LRPPRC: variants seen among roughly 807,000 people sequenced by gnomAD.
The protein encoded by LRPPRC is leucine rich pentatricopeptide repeat containing.
LRPPRC carries 120 observed loss-of-function variants against 180.3 expected under a neutral mutation model. The observed-to-expected ratio is 0.67, with a 90% CI of 0.57 to 0.77. The LOEUF is 0.77. LRPPRC is among the 30% of genes least tolerant of loss of function. The probability of loss-of-function intolerance (pLI) is 0.00; values close to 1 mark genes in which losing one functional copy is unlikely to be tolerated. For missense variants in LRPPRC, 2,012 were observed against 1,657.2 expected (o/e 1.21, Z -3.72); for synonymous variants, 723 against 600.0 (o/e 1.21, Z -3.00).
intron 11 of LRPPRC, among the ~76,000 whole-genome samples, chr2:43,971,888 T>C (rs576551429): frequency 1.3e-4 from 20 of 152,322 alleles, no homozygotes; most frequent in Non-Finnish European, 2.2e-4. Flanking sequence ...TTTTTAAAAA[T>C]TGTAAAACTG....
rs766491629 is a variant in LRPPRC, at chr2:43,912,519, A to G, written c.3188T>C (p.Ile1063Thr). The G allele has an allele frequency of 1.9e-6, 3 of 1,606,324 alleles. No individual in the cohort carries two copies. The highest frequency in any genetic ancestry group is 2.6e-6 in the Non-Finnish European group (3 of 1,173,114). ...GCTGTAGGTTTCAGCATTAAACACA[A>G]TGTTTTGCTCTTTTGCATTCAGGAA... ...DIFLNAKEQN[I>T]VFNAETYSNL... is the part of the protein sequence containing the mutation. Residue 1063 changes from isoleucine (I) to threonine (T), a missense_variant, in exon 30 of 38, where the codon ATT (isoleucine) becomes ACT (threonine). Coordinates refer to ENST00000260665, the MANE Select transcript of LRPPRC (RefSeq NM_133259.4).
At chr2:43,948,818 C>T (rs1303409779) in intron 16 of LRPPRC, among the ~76,000 whole-genome samples, 2 of 152,064 alleles carry the variant, frequency 1.3e-5, no homozygotes, top group Non-Finnish European at 2.9e-5. Context: ...AAGGCCTTAC[C>T]CCTTTCCTGT....
chr2:43,944,947 G>T (rs1480797610), intron 22 of LRPPRC, among the ~76,000 whole-genome samples: 1 of 152,040 alleles, frequency 6.6e-6, no homozygotes. Flanking sequence ...CATATATTAG[G>T]TTATGTTTAT....
chr2:43,889,200 A>G (rs1383953015), intron 37 of LRPPRC, among the ~76,000 whole-genome samples: 1 of 150,670 alleles, frequency 6.6e-6, no homozygotes, highest in Non-Finnish European at 1.5e-5. Context: ...CTGTAATCCC[A>G]GCTACTTGGG....
In LRPPRC at chr2:43,946,235, T is replaced by A; in HGVS notation, c.2088A>T (p.Gln696His). ...ILVLCSEENMQKALELKAKYE... is the reference protein window; with the variant it reads ...ILVLCSEENMHKALELKAKYE... ...ATTTTGCTTTCAATTCAAGGGCTTTTTGCATATTCTAAAATACAGCATAGA... is the reference window on the plus strand; with the variant it reads ...ATTTTGCTTTCAATTCAAGGGCTTTATGCATATTCTAAAATACAGCATAGA... The change falls in exon 21 of 38, where the codon CAA becomes CAT. Residue 696 changes from glutamine to histidine, a missense_variant. Coordinates refer to ENST00000260665, the MANE Select transcript of LRPPRC (RefSeq NM_133259.4). 6.2e-7 allele frequency: 1 copy of A among 1,611,062 alleles called. No individual in the cohort carries two copies. The highest frequency in any genetic ancestry group is 8.5e-7 in the Non-Finnish European group (1 of 1,177,520).
chr2:43,951,201 A>C (rs1019922599), intron 14 of LRPPRC, among the ~76,000 whole-genome samples: 4 of 152,218 alleles, frequency 2.6e-5, no homozygotes, highest in African/African-American at 9.7e-5. Context: ...ACAGAGTATC[A>C]CTCATGTGGT....
At chr2:43,895,710 A>C (rs1572889994) in intron 35 of LRPPRC, among the ~76,000 whole-genome samples, 1 of 152,080 alleles carries the variant, frequency 6.6e-6, no homozygotes, top group African/African-American at 2.4e-5. Flanking sequence ...GAAAACGTAG[A>C]CCTCCCAAAC....
chr2:43,901,474 T>A lies in LRPPRC; in HGVS notation c.3415A>T (p.Arg1139Trp). The A allele has an allele frequency of 6.2e-7, 1 of 1,614,056 alleles. No homozygotes were observed. Among genetic ancestry groups the A allele is most frequent in the Non-Finnish European group, 8.5e-7 (1 of 1,179,882 alleles). ...TGGATGACACGGGTCACTGCTAACC[T>A]AGAAGGGGTCTGCTGCTGATCCAAT... is the stretch of plus-strand genomic sequence containing the variant. Reference protein sequence around the residue: ...TVLDQQQTPSRLAVTRVIQAL... With the variant: ...TVLDQQQTPSWLAVTRVIQAL... The change falls in exon 32 of 38, where the codon AGG becomes TGG. Residue 1139 changes from arginine to tryptophan, a missense_variant. Coordinates refer to ENST00000260665, the MANE Select transcript of LRPPRC (RefSeq NM_133259.4).
At chr2:43,995,660 G>T in intron 1 of LRPPRC, 139 bp downstream of exon 1, 1 of 803,430 alleles carries the variant, frequency 1.2e-6, no homozygotes, top group Non-Finnish European at 1.7e-6. Context: ...AGGGAGCGTG[G>T]TGCGGAGCCC....
In LRPPRC at chr2:43,914,399, A is replaced by C. The variant is rs1345002759; in HGVS notation, c.3149-1841T>G. ...GCATTCATATTTTACTAAACATTCG[A>C]ATCCTGAGATATACAAAAAAAGAAA... On this transcript the variant is annotated intron_variant, in intron 29 of 37. Transcript: ENST00000260665. Among the ~76,000 whole-genome samples the C allele has an allele frequency of 2.0e-5, 3 of 152,162 alleles. No individual in the cohort carries two copies. The East Asian group carries it at 5.8e-4, about 29-fold the overall frequency.
chr2:43,959,178 T>C, intron 13 of LRPPRC: 1 of 715,920 alleles, frequency 1.4e-6, no homozygotes, highest in South Asian at 1.5e-5. Flanking sequence ...CCCAGATTCC[T>C]CTGCTAATGC....
intron 34 of LRPPRC, among the ~76,000 whole-genome samples, chr2:43,898,869 T>A (rs1466559290): frequency 1.3e-5 from 2 of 152,176 alleles, no homozygotes; most frequent in Non-Finnish European, 2.9e-5. Flanking sequence ...GAAATTAAAG[T>A]AGAAAATCAA....
intron 27 of LRPPRC, among the ~76,000 whole-genome samples, chr2:43,919,863 AG>A (rs1558940683): frequency 6.6e-6 from 1 of 151,954 alleles, no homozygotes; most frequent in African/African-American, 2.4e-5. Context: ...TCTAGGAAGG[AG>A]GGGTTTGTTT....
intron 11 of LRPPRC, among the ~76,000 whole-genome samples, chr2:43,970,803 T>C (rs981341090): frequency 3.9e-5 from 6 of 152,178 alleles, no homozygotes; most frequent in Non-Finnish European, 7.3e-5. Context: ...TGCTTCCTCT[T>C]TGAAAAGTAA....
chr2:43,939,999 C>A (rs1228934226), intron 23 of LRPPRC, among the ~76,000 whole-genome samples: 1 of 152,162 alleles, frequency 6.6e-6, no homozygotes. Flanking sequence ...GCAGAAAAAA[C>A]CCTACTGCAC....
intron 10 of LRPPRC, 39 bp downstream of exon 10, chr2:43,973,756 A>G (rs1463024253): frequency 6.2e-7 from 1 of 1,603,852 alleles, no homozygotes; most frequent in Non-Finnish European, 8.5e-7. Context: ...TACCTCAGCA[A>G]AACTTCCTTA....
chr2:43,900,717 A>AT (rs987289013), intron 32 of LRPPRC, among the ~76,000 whole-genome samples: 7 of 152,184 alleles, frequency 4.6e-5, no homozygotes, highest in Admixed American at 4.6e-4. Context: ...ACTAAAGAAC[A>AT]TTTTTTCTAA....
intron 23 of LRPPRC, 129 bp from the exon 24 acceptor site, chr2:43,935,007 C>A: frequency 3.0e-6 from 2 of 659,096 alleles, no homozygotes; most frequent in Non-Finnish European, 5.1e-6. Context: ...AGGTAGAAAA[C>A]CACAAAGCTA....
intron 1 of LRPPRC, among the ~76,000 whole-genome samples, chr2:43,987,538 A>T (rs1572585140): frequency 6.7e-6 from 1 of 148,830 alleles, no homozygotes. Context: ...AAATTTCTCC[A>T]CTGCAACCAA....
Sources: allele counts gnomAD v4.1 joint callset (sites outside exome capture counted in the v4.1 genomes callset), GRCh38; gene constraint gnomAD v4.1.1; transcripts MANE v1.5; gene names NCBI Gene and HGNC (gene_info 2026-07-23, HGNC 2026-07-21).